CREB5: variants seen among roughly 807,000 people sequenced by gnomAD.
CREB5 encodes cAMP responsive element binding protein 5.
In CREB5, 19 loss-of-function variants were observed where a neutral mutation model predicts 57.1. The observed-to-expected ratio is 0.33, with a 90% CI of 0.23 to 0.49. The LOEUF (loss-of-function observed/expected upper bound fraction) is 0.49. CREB5 is among the 20% of genes least tolerant of loss of function. The probability of loss-of-function intolerance (pLI) is 0.99; values close to 1 mark genes in which losing one functional copy is unlikely to be tolerated. For synonymous variants in CREB5, 238 were observed against 238.3 expected (o/e 1.00, Z 0.01); for missense variants, 579 against 671.6 (o/e 0.86, Z 1.52).
chr7:28,784,230 C>T (rs1807172263), intron 7 of CREB5, among the ~76,000 whole-genome samples: 1 of 152,246 alleles, frequency 6.6e-6, no homozygotes, highest in South Asian at 2.1e-4. Context: ...TTTCCACTTG[C>T]CTGCAGGGCC....
chr7:28,426,821 T>G (rs140951475), intron 1 of CREB5, among the ~76,000 whole-genome samples: 1 of 152,254 alleles, frequency 6.6e-6, no homozygotes, highest in East Asian at 1.9e-4. Flanking sequence ...CAGCAAGAAC[T>G]GAATCTTGCC....
chr7:28,380,624 A>G (rs930132928), intron 1 of CREB5, among the ~76,000 whole-genome samples: 4 of 152,208 alleles, frequency 2.6e-5, no homozygotes, highest in African/African-American at 7.2e-5. Context: ...GTGGGGAGGC[A>G]GTTCGGAGAA....
At chr7:28,722,385 G>A (rs1395174294) in intron 6 of CREB5, among the ~76,000 whole-genome samples, 1 of 152,058 alleles carries the variant, frequency 6.6e-6, no homozygotes, top group Non-Finnish European at 1.5e-5. Context: ...CGGAATAAGG[G>A]GTCAAATACT....
chr7:28,448,776 T>G lies in CREB5; in HGVS notation c.3+35859T>G, dbSNP rs1050773470. Among the ~76,000 whole-genome samples the G allele has an allele frequency of 1.4e-4, 21 of 152,222 alleles. 1 individual carries two copies. Among genetic ancestry groups the G allele is most frequent in the Non-Finnish European group, 1.5e-5 (1 of 68,034 alleles). On this transcript the variant is annotated intron_variant, in intron 1 of 10. Transcript: ENST00000357727. ...GGTTTTCAGTGTAAATCCAGGAACA[T>G]GGGCCCTGGGGCCAGGCAGTGTTAG...
At chr7:28,409,052 A>G (rs544166481), upstream of CREB5, among the ~76,000 whole-genome samples, 2 of 148,432 alleles carry the variant, frequency 1.3e-5, no homozygotes, top group Non-Finnish European at 3.0e-5. This position sits in a 1 kb window ranked among gnomAD's most constrained non-coding sequence, Gnocchi z 4.4. Context: ...GTCTGAAACC[A>G]TAAGGATTGT....
At chr7:28,781,224 T>A (rs1806954119) in intron 7 of CREB5, among the ~76,000 whole-genome samples, 1 of 152,172 alleles carries the variant, frequency 6.6e-6, no homozygotes, top group Non-Finnish European at 1.5e-5. Flanking sequence ...TTTTCCTGCA[T>A]TCAACAAAGC....
In CREB5 at chr7:28,680,350, G is replaced by A. The variant is rs367625529; in HGVS notation, c.465-38403G>A. Among the ~76,000 whole-genome samples, 30 of 152,282 alleles carry A rather than the reference G, an allele frequency of 2.0e-4. No individual in the cohort carries two copies. In the South Asian group the frequency reaches 5.6e-3, roughly 28 times the overall value. ...AGCATAACTGCTCTGAGCCAGTCTT[G>A]ATCAGCTACTATGCCTTGTCTTGGC... is the stretch of plus-strand genomic sequence containing the variant. On this transcript the variant is annotated intron_variant, in intron 5 of 10. Coordinates refer to ENST00000357727, the MANE Select transcript of CREB5 (RefSeq NM_182898.4).
chr7:28,724,557 G>A, intron 7 of CREB5: 1 of 492,240 alleles, frequency 2.0e-6, no homozygotes, highest in South Asian at 2.4e-5. Context: ...ATTAATGAAA[G>A]GAACATTTAG....
Position 28,823,422 on chromosome 7 carries a change from A to ATAAT in CREB5, c.*4144_*4147dup, listed in dbSNP as rs1475230505. 2 of 152,644 alleles carry ATAAT rather than the reference A, an allele frequency of 1.3e-5. No individual in the cohort carries two copies. Among genetic ancestry groups the ATAAT allele is most frequent in the Non-Finnish European group, 2.9e-5 (2 of 68,036 alleles). The allele number at this position is 152,644 out of a possible 1,614,324, so 9.5% of individuals were successfully genotyped here. A position where few individuals can be genotyped will look rare whatever the true frequency, so the allele number is the denominator to read the frequency against. On this transcript the variant is annotated 3_prime_UTR_variant, in exon 11 of 11. Coordinates refer to ENST00000357727, the MANE Select transcript of CREB5 (RefSeq NM_182898.4). Reference sequence around the variant, plus strand: ...CTACTTGTTTTTAAAGTGTTAGTCCATAATAAACTACTATAGTTATGTGTA... The same window carrying ATAAT: ...CTACTTGTTTTTAAAGTGTTAGTCCATAATTAATAAACTACTATAGTTATGTGTA...
At chr7:28,315,135 G>A (rs989545617) in intron 1 of CREB5, among the ~76,000 whole-genome samples, 3 of 152,128 alleles carry the variant, frequency 2.0e-5, no homozygotes, top group Non-Finnish European at 2.9e-5. Flanking sequence ...GTGAATAAAT[G>A]GCTCAATGTA....
chr7:28,797,590 T>C (rs146569393), intron 7 of CREB5, among the ~76,000 whole-genome samples: 1 of 152,316 alleles, frequency 6.6e-6, no homozygotes, highest in Non-Finnish European at 1.5e-5. Context: ...AGTTACCTTA[T>C]GAAAGTTTTA....
At chr7:28,646,787 A>T (rs1253383224) in intron 5 of CREB5, among the ~76,000 whole-genome samples, 1 of 152,214 alleles carries the variant, frequency 6.6e-6, no homozygotes, top group Non-Finnish European at 1.5e-5. Flanking sequence ...ATCCTTTTGC[A>T]AATGAGATTT....
chr7:28,465,912 A>C (rs1180924105), intron 1 of CREB5, among the ~76,000 whole-genome samples: 1 of 152,204 alleles, frequency 6.6e-6, no homozygotes, highest in East Asian at 1.9e-4. Flanking sequence ...AAAGGGAAGC[A>C]GAGAGACTAT....
intron 4 of CREB5, among the ~76,000 whole-genome samples, chr7:28,511,170 AG>A (rs796374965): frequency 1.6e-4 from 24 of 150,828 alleles, no homozygotes; most frequent in African/African-American, 5.9e-4. Context: ...TGATGGAGAA[AG>A]GAATAGCAGG....
intron 1 of CREB5, among the ~76,000 whole-genome samples, chr7:28,422,725 G>A (rs42733): frequency 0.94 from 142,839 of 152,250 alleles, 67,071 homozygotes; most frequent in East Asian, 0.99. Flanking sequence ...GTATTAAGCT[G>A]TGAAAGTAAC....
At chr7:28,710,575 C>T (rs1031123485) in intron 5 of CREB5, among the ~76,000 whole-genome samples, 1 of 152,070 alleles carries the variant, frequency 6.6e-6, no homozygotes, top group Admixed American at 6.5e-5. Context: ...ACTTCTTGCT[C>T]CCAGGAGTTT....
At chr7:28,299,391 C>T (rs564661686) in exon 1 of CREB5, 2 of 152,286 alleles carry the variant, frequency 1.3e-5, no homozygotes, top group African/African-American at 4.8e-5. Flanking sequence ...CAGAAACTGC[C>T]TAAAGCATTT....
At position 28,335,209 on chromosome 7, in the gene CREB5, A is replaced by AT. The variant is rs545787338; in HGVS notation, c.-25+35777dup. On this transcript the variant is annotated intron_variant, in intron 1 of 9. Transcript: ENST00000396299. ...TTTGTGGTTCCATATAAATTTTAGG[A>AT]TTTTTTTTTCTATTTCTGTGAAGAA... Among the ~76,000 whole-genome samples, 980 of 151,372 alleles carry AT rather than the reference A, an allele frequency of 6.5e-3. 5 individuals are homozygous for AT. The highest frequency in any genetic ancestry group is 0.022 in the African/African-American group (910 of 41,300).
intron 5 of CREB5, among the ~76,000 whole-genome samples, chr7:28,671,261 GA>G (rs565901522): frequency 0.26 from 35,418 of 134,428 alleles, 4,326 homozygotes; most frequent in Middle Eastern, 0.43. Flanking sequence ...GTCTCAAAAA[GA>G]AAAAAAAAAA....
Sources: allele counts gnomAD v4.1 joint callset (sites outside exome capture counted in the v4.1 genomes callset), GRCh38; gene constraint gnomAD v4.1.1; non-coding constraint Gnocchi (gnomAD v3.1); transcripts MANE v1.5; gene names NCBI Gene and HGNC (gene_info 2026-07-23, HGNC 2026-07-21).